ZCCHC17: variants seen among roughly 807,000 people sequenced by gnomAD.
ZCCHC17 encodes zinc finger CCHC-type containing 17.
Under a neutral mutation model 30.6 loss-of-function variants are expected in ZCCHC17, and 18 were observed. The ratio of observed to expected loss-of-function variants is 0.59; its 90% CI spans 0.41 to 0.87. The LOEUF (loss-of-function observed/expected upper bound fraction) is 0.87, where lower values mean the gene tolerates loss of function less well. Among genes scored for constraint, ZCCHC17 ranks in the 40% least tolerant of loss-of-function variants. The pLI, the probability that ZCCHC17 is intolerant of heterozygous loss-of-function variation, is 0.00. For missense variants in ZCCHC17, 263 were observed against 284.2 expected, an observed-to-expected ratio of 0.93 and a Z score of 0.54; for synonymous variants, 88 against 92.4, an observed-to-expected ratio of 0.95 and a Z score of 0.27.
intron 3 of ZCCHC17, among the ~76,000 whole-genome samples, chr1:31,333,404 T>G (rs1638671310): frequency 6.6e-6 from 1 of 152,038 alleles, no homozygotes; most frequent in Non-Finnish European, 1.5e-5. Context: ...GCACCTGTAA[T>G]CGCAGCTACT....
At position 31,334,804 on chromosome 1, in the gene ZCCHC17, G is replaced by A. The variant is rs1375146381; in HGVS notation, c.125-2371G>A. Among the ~76,000 whole-genome samples, 9 of 152,142 alleles carry A rather than the reference G, an allele frequency of 5.9e-5. 1 individual carries two copies. Among genetic ancestry groups the A allele is most frequent in the Admixed American group, 3.9e-4 (6 of 15,268 alleles). On this transcript the variant is annotated intron_variant, in intron 3 of 7. Coordinates refer to ENST00000344147, the MANE Select transcript of ZCCHC17 (RefSeq NM_016505.4). ...AAATCTTTTGAATGGACCATCAAGC[G>A]ACTATACCATAATTGACCTAATTGT...
At chr1:31,313,317 G>A (rs966536486) in intron 2 of ZCCHC17, among the ~76,000 whole-genome samples, 2 of 151,096 alleles carry the variant, frequency 1.3e-5, no homozygotes, top group African/African-American at 2.4e-5. Flanking sequence ...CAAGTGATCT[G>A]CCCACCTCAG....
At chr1:31,304,272 C>CTTTTTTTTTTTTTTTTT (rs5773350) in intron 1 of ZCCHC17, among the ~76,000 whole-genome samples, 1 of 146,650 alleles carries the variant, frequency 6.8e-6, no homozygotes, top group Non-Finnish European at 1.5e-5. Context: ...GTTATATACT[C>CTTTTTTTTTTTTTTTTT]TTTTTTTTTT....
At chr1:31,304,995 G>A (rs1234761269) in intron 1 of ZCCHC17, among the ~76,000 whole-genome samples, 1 of 152,174 alleles carries the variant, frequency 6.6e-6, no homozygotes, top group Non-Finnish European at 1.5e-5. Flanking sequence ...CGTTGTTACA[G>A]TAGGCACCCT....
At chr1:31,320,599 T>C (rs1412189851) in intron 3 of ZCCHC17, among the ~76,000 whole-genome samples, 3 of 152,252 alleles carry the variant, frequency 2.0e-5, no homozygotes, top group Non-Finnish European at 4.4e-5. Flanking sequence ...CTGACTTCTT[T>C]CACTTAGCAC....
intron 1 of ZCCHC17, among the ~76,000 whole-genome samples, chr1:31,305,094 C>T (rs939984447): frequency 2.6e-5 from 4 of 152,076 alleles, no homozygotes; most frequent in African/African-American, 9.7e-5. Context: ...TGACCTTTGC[C>T]TAATTACTGA....
chr1:31,348,684 A>G (rs147336098), intron 6 of ZCCHC17, 145 bp from the exon 7 acceptor site: 739 of 955,450 alleles, frequency 7.7e-4, no homozygotes, highest in Admixed American at 1.4e-3. Flanking sequence ...TAGAAAATCT[A>G]CCCTGAATCA....
At chr1:31,308,657 C>T (rs188851886) in intron 1 of ZCCHC17, among the ~76,000 whole-genome samples, 13 of 152,224 alleles carry the variant, frequency 8.5e-5, no homozygotes, top group African/African-American at 4.8e-5. Flanking sequence ...GTTTAAGAGC[C>T]GCTAGATTGC....
rs59851204 is a variant in ZCCHC17, at chr1:31,334,337, CTGTGTGTGTGTGTGTGTGTG to C, written c.125-2805_125-2786del. Among the ~76,000 whole-genome samples, 167 of 85,606 alleles carry C rather than the reference CTGTGTGTGTGTGTGTGTGTG, an allele frequency of 2.0e-3. No individual in the cohort carries two copies. The South Asian group carries it at 0.026, about 13-fold the overall frequency. The allele number at this position is 85,606 out of a possible 152,430, so 56.2% of individuals were successfully genotyped here. A position where few individuals can be genotyped will look rare whatever the true frequency, so the allele number is the denominator to read the frequency against. On this transcript the variant is annotated intron_variant, in intron 3 of 7. Coordinates refer to ENST00000344147, the MANE Select transcript of ZCCHC17 (RefSeq NM_016505.4). ...TCTCTCTCTCTCTCTCTCTCTCTCTCTGTGTGTGTGTGTGTGTGTGTGTGTGTGTGTGTGTGTGTGTGTGT... is the reference window on the plus strand; with the variant it reads ...TCTCTCTCTCTCTCTCTCTCTCTCTCTGTGTGTGTGTGTGTGTGTGTGTGT...
At chr1:31,334,968 T>C (rs996483817) in intron 3 of ZCCHC17, among the ~76,000 whole-genome samples, 2 of 152,184 alleles carry the variant, frequency 1.3e-5, no homozygotes, top group Non-Finnish European at 2.9e-5. Flanking sequence ...CAATTAGGGG[T>C]CAAATAAAGT....
chr1:31,362,182 C>T (rs1428650557), intron 7 of ZCCHC17, among the ~76,000 whole-genome samples: 2 of 152,160 alleles, frequency 1.3e-5, no homozygotes, highest in Admixed American at 6.5e-5. Flanking sequence ...GACTTGCCCA[C>T]GGATGCAGAA....
At chr1:31,347,536 T>C (rs1639318887) in intron 6 of ZCCHC17, among the ~76,000 whole-genome samples, 1 of 152,204 alleles carries the variant, frequency 6.6e-6, no homozygotes, top group African/African-American at 2.4e-5. Context: ...TGTGGGAACA[T>C]TCCAGGTATT....
At chr1:31,304,295 C>T (rs1308240008) in intron 1 of ZCCHC17, among the ~76,000 whole-genome samples, 8 of 149,204 alleles carry the variant, frequency 5.4e-5, no homozygotes, top group African/African-American at 2.0e-4. Context: ...CTTTCTGAGA[C>T]AGAGTCTCTG....
intron 1 of ZCCHC17, among the ~76,000 whole-genome samples, chr1:31,299,260 G>T (rs746087441): frequency 6.6e-6 from 1 of 152,160 alleles, no homozygotes; most frequent in Non-Finnish European, 1.5e-5. Context: ...TGAGAATATT[G>T]TAGAAGATTT....
chr1:31,310,344 G>A (rs903817546), intron 2 of ZCCHC17, among the ~76,000 whole-genome samples, 180 bp downstream of exon 2: 3 of 152,214 alleles, frequency 2.0e-5, no homozygotes, highest in Admixed American at 6.5e-5. Context: ...ATTTAAGTGC[G>A]TAGTTGACAT....
intron 4 of ZCCHC17, among the ~76,000 whole-genome samples, chr1:31,337,779 C>A (rs1638878730): frequency 6.6e-6 from 1 of 151,770 alleles, no homozygotes; most frequent in African/African-American, 2.4e-5. Context: ...GGGTGTGGGC[C>A]GACCACAGGA....
At chr1:31,335,777 GTTC>G (rs1327666250) in intron 3 of ZCCHC17, among the ~76,000 whole-genome samples, 1 of 152,098 alleles carries the variant, frequency 6.6e-6, no homozygotes, top group East Asian at 1.9e-4. Flanking sequence ...CTTAGTAATA[GTTC>G]TTATTTTACT....
intron 1 of ZCCHC17, among the ~76,000 whole-genome samples, chr1:31,306,594 C>CTGCAACTGTGGAAAG (rs1553119372): frequency 6.6e-6 from 1 of 152,194 alleles, no homozygotes; most frequent in African/African-American, 2.4e-5. Flanking sequence ...CTGTGAGTAA[C>CTGCAACTGTGGAAAG]TGCAACTGTG....
At chr1:31,323,644 G>A (rs1394617775) in intron 3 of ZCCHC17, among the ~76,000 whole-genome samples, 2 of 151,922 alleles carry the variant, frequency 1.3e-5, no homozygotes, top group Non-Finnish European at 2.9e-5. Flanking sequence ...TATTTCTTTT[G>A]AGTGCAGATG....
Sources: gnomAD v4.1 joint callset for allele counts (sites outside exome capture counted in the v4.1 genomes callset) on GRCh38, gnomAD v4.1.1 for gene constraint, MANE v1.5 for transcripts, NCBI Gene and HGNC (gene_info 2026-07-23, HGNC 2026-07-21) for gene names.